The following SRBD1 variants were observed in gnomAD, a reference collection of about 807,000 sequenced individuals.
The protein encoded by SRBD1 is S1 RNA binding domain 1.
In SRBD1, 88 loss-of-function variants were observed where a neutral mutation model predicts 115.3. The ratio of observed to expected loss-of-function variants is 0.76; its 90% CI spans 0.64 to 0.91. SRBD1 has a LOEUF of 0.91. Among genes scored for constraint, SRBD1 ranks in the 40% least tolerant of loss-of-function variants. The pLI, the probability that SRBD1 is intolerant of heterozygous loss-of-function variation, is 0.00. For synonymous variants in SRBD1, 509 were observed against 407.7 expected (o/e 1.25, Z -2.99); for missense variants, 1,385 against 1,177.4 (o/e 1.18, Z -2.58).
chr2:45,435,154 T>G (rs937271008), intron 16 of SRBD1, among the ~76,000 whole-genome samples: 1 of 152,184 alleles, frequency 6.6e-6, no homozygotes, highest in African/African-American at 2.4e-5. Context: ...GTGCCACATT[T>G]TCTTTATCCA....
intron 19 of SRBD1, among the ~76,000 whole-genome samples, chr2:45,398,231 T>A (rs1667200892): frequency 1.3e-5 from 2 of 152,182 alleles, no homozygotes; most frequent in African/African-American, 4.8e-5. Context: ...CATGAAGTTG[T>A]TCTGAAAGCT....
At chr2:45,512,865 T>C (rs1316602479) in intron 14 of SRBD1, among the ~76,000 whole-genome samples, 1 of 152,162 alleles carries the variant, frequency 6.6e-6, no homozygotes, top group Non-Finnish European at 1.5e-5. Flanking sequence ...CATGGAAATA[T>C]GGACCTCCAA....
chr2:45,551,698 AG>A (rs1245789873), intron 11 of SRBD1, among the ~76,000 whole-genome samples: 1 of 152,222 alleles, frequency 6.6e-6, no homozygotes, highest in East Asian at 1.9e-4. Flanking sequence ...GGCTCATCAT[AG>A]AAACAGCAAG....
intron 7 of SRBD1, among the ~76,000 whole-genome samples, chr2:45,577,470 C>CA (rs1327611297): frequency 6.6e-6 from 1 of 152,064 alleles, no homozygotes; most frequent in Non-Finnish European, 1.5e-5. Flanking sequence ...ACCGAAAGGC[C>CA]AACATTTCTT....
chr2:45,531,196 C>A (rs1572740857), intron 14 of SRBD1, among the ~76,000 whole-genome samples: 2 of 151,728 alleles, frequency 1.3e-5, no homozygotes, highest in African/African-American at 4.8e-5. Flanking sequence ...GGTTTCTTAT[C>A]CTTTACAGGC....
chr2:45,535,004 A>G (rs1457251264), intron 14 of SRBD1, among the ~76,000 whole-genome samples: 1 of 151,984 alleles, frequency 6.6e-6, no homozygotes, highest in African/African-American at 2.4e-5. Flanking sequence ...ATGTATCCTT[A>G]TTAAAATTCA....
rs573221866 is a variant in SRBD1, at chr2:45,589,837, T to C, written c.649-4063A>G. ...CATACTAAGCCAATGATAATCAAGA[T>C]GTAAAAAAAATCAAGTGCCTCTTCT... On this transcript the variant is annotated intron_variant, in intron 4 of 20. Transcript: ENST00000263736. Among the ~76,000 whole-genome samples the C allele has an allele frequency of 2.6e-5, 4 of 152,214 alleles. No individual in the cohort carries two copies. The South Asian group carries it at 6.2e-4, about 24-fold the overall frequency.
chr2:45,418,189 T>C (rs1667887648), intron 18 of SRBD1, among the ~76,000 whole-genome samples, 176 bp downstream of exon 18: 1 of 152,218 alleles, frequency 6.6e-6, no homozygotes, highest in Non-Finnish European at 1.5e-5. Flanking sequence ...CGGAATTTGC[T>C]GACTTGCTCA....
At chr2:45,565,371 A>G (rs1162560444) in intron 9 of SRBD1, among the ~76,000 whole-genome samples, 1 of 152,214 alleles carries the variant, frequency 6.6e-6, no homozygotes, top group Non-Finnish European at 1.5e-5. Flanking sequence ...AGATAATTCA[A>G]TGAAGAAAAT....
In SRBD1 at chr2:45,579,872, T is replaced by C. The variant is rs1284397223; in HGVS notation, c.1072+3A>G. The C allele has an allele frequency of 1.9e-6, 3 of 1,557,652 alleles. No individual in the cohort carries two copies. Among genetic ancestry groups the C allele is most frequent in the Non-Finnish European group, 2.6e-6 (3 of 1,159,678 alleles). On this transcript the variant is annotated splice_donor_region_variant and intron_variant, in intron 7 of 20. Coordinates refer to ENST00000263736, the MANE Select transcript of SRBD1 (RefSeq NM_018079.5). ...AGTTGATCTCTGTAAATAAAGCCAGTACCTTTAACGTCAGGCCTAATGTAC... is the reference window on the plus strand; with the variant it reads ...AGTTGATCTCTGTAAATAAAGCCAGCACCTTTAACGTCAGGCCTAATGTAC...
chr2:45,498,192 C>T (rs1670520045), intron 14 of SRBD1, among the ~76,000 whole-genome samples: 1 of 152,036 alleles, frequency 6.6e-6, no homozygotes, highest in African/African-American at 2.4e-5. Flanking sequence ...TACTTATTGG[C>T]CTTTTCTAAC....
chr2:45,447,729 T>C (rs1283680632), intron 16 of SRBD1: 1 of 152,206 alleles, frequency 6.6e-6, no homozygotes, highest in Non-Finnish European at 1.5e-5. Context: ...AGCTTTCTTT[T>C]TATACACTTA....
intron 16 of SRBD1, among the ~76,000 whole-genome samples, chr2:45,434,596 A>G (rs75338423): frequency 1.3e-4 from 20 of 152,144 alleles, no homozygotes; most frequent in Non-Finnish European, 1.3e-4. Context: ...TATACAATCA[A>G]TTATGTGTTA....
At chr2:45,470,929 G>T (rs1306584933) in intron 16 of SRBD1, among the ~76,000 whole-genome samples, 1 of 152,112 alleles carries the variant, frequency 6.6e-6, no homozygotes, top group African/African-American at 2.4e-5. Flanking sequence ...TAAACCAAAA[G>T]TATTTTAGTT....
intron 14 of SRBD1, among the ~76,000 whole-genome samples, chr2:45,535,527 C>T (rs1237656172): frequency 6.6e-6 from 1 of 151,776 alleles, no homozygotes; most frequent in African/African-American, 2.4e-5. Context: ...AAAATAACAT[C>T]AGTTCATCTC....
chr2:45,545,149 G>A (rs970106901), intron 14 of SRBD1, among the ~76,000 whole-genome samples: 4 of 151,268 alleles, frequency 2.6e-5, no homozygotes, highest in Admixed American at 6.6e-5. Flanking sequence ...GTGTGGTGGC[G>A]GGTGCCTGCA....
intron 14 of SRBD1, among the ~76,000 whole-genome samples, chr2:45,516,622 T>C (rs990154091): frequency 6.6e-6 from 1 of 152,224 alleles, no homozygotes; most frequent in African/African-American, 2.4e-5. Context: ...TATTCTGTAC[T>C]GTTAAAAGTG....
At chr2:45,566,754 T>C (rs1345303269) in intron 9 of SRBD1, among the ~76,000 whole-genome samples, 3 of 152,294 alleles carry the variant, frequency 2.0e-5, no homozygotes, top group South Asian at 4.1e-4. Flanking sequence ...TGATAAATAG[T>C]AACACAAATT....
At chr2:45,438,368 G>A (rs1361691322) in intron 16 of SRBD1, among the ~76,000 whole-genome samples, 1 of 152,056 alleles carries the variant, frequency 6.6e-6, no homozygotes, top group African/African-American at 2.4e-5. Context: ...AAAAATGCAG[G>A]CACATGTGAC....
Sources: gnomAD v4.1 joint callset for allele counts (sites outside exome capture counted in the v4.1 genomes callset) on GRCh38, gnomAD v4.1.1 for gene constraint, MANE v1.5 for transcripts, NCBI Gene and HGNC (gene_info 2026-07-23, HGNC 2026-07-21) for gene names.